Variants in MYO16 observed in about 807,000 individuals in gnomAD.
The protein encoded by MYO16 is unconventional myosin-XVI.
Under a neutral mutation model 205.3 loss-of-function variants are expected in MYO16, and 94 were observed. The observed-to-expected ratio is 0.46, with a 90% CI of 0.39 to 0.54. MYO16 has a LOEUF of 0.54. MYO16 is among the 20% of genes least tolerant of loss of function. The pLI, the probability that MYO16 is intolerant of heterozygous loss-of-function variation, is 0.00. For synonymous variants in MYO16, 988 were observed against 954.0 expected, an observed-to-expected ratio of 1.04 and a Z score of -0.66; for missense variants, 2,315 against 2,387.5, an observed-to-expected ratio of 0.97 and a Z score of 0.63.
At position 108,882,983 on chromosome 13, in the gene MYO16, T is replaced by C. The variant is rs1879691451; in HGVS notation, c.1426-76T>C. 2.3e-5 allele frequency: 36 copies of C among 1,556,490 alleles called. 1 individual carries two copies. In the South Asian group the frequency reaches 4.2e-4, roughly 18 times the overall value. On this transcript the variant is annotated intron_variant, in intron 12 of 34. Transcript: ENST00000457511. Reference sequence around the variant, plus strand: ...TTCACTTCTGTATCTTGGACAGAAGTCACTCTCATTATGGGATGAGGAATA... The same window carrying C: ...TTCACTTCTGTATCTTGGACAGAAGCCACTCTCATTATGGGATGAGGAATA...
At chr13:109,177,765 C>T (rs558134312) in intron 33 of MYO16, among the ~76,000 whole-genome samples, 1 of 152,340 alleles carries the variant, frequency 6.6e-6, no homozygotes, top group South Asian at 2.1e-4. Flanking sequence ...GATCCGCCAC[C>T]TTAGCCTCCC....
At chr13:109,101,773 A>G (rs970039193) in intron 28 of MYO16, 2 of 152,266 alleles carry the variant, frequency 1.3e-5, no homozygotes, top group African/African-American at 2.4e-5. Flanking sequence ...TTTGATAAAA[A>G]TATGACGATT....
chr13:108,519,882 A>G, the MYO16 span, among the ~76,000 whole-genome samples: 1 of 152,194 alleles, frequency 6.6e-6, no homozygotes, highest in African/African-American at 2.4e-5. Context: ...AAGTTTTGAG[A>G]AGATGAGTAC....
At chr13:109,121,353 C>T (rs2139762338) in intron 29 of MYO16, among the ~76,000 whole-genome samples, 1 of 152,272 alleles carries the variant, frequency 6.6e-6, no homozygotes, top group East Asian at 1.9e-4. Flanking sequence ...GATAAAAAGA[C>T]CTGCTTATGG....
At chr13:108,769,770 G>C (rs1885901314) in intron 4 of MYO16, among the ~76,000 whole-genome samples, 1 of 152,166 alleles carries the variant, frequency 6.6e-6, no homozygotes, top group African/African-American at 2.4e-5. Context: ...AGTATGGCAA[G>C]AGAGAGAAAT....
intron 6 of MYO16, 38 bp from the exon 7 acceptor site, chr13:108,806,640 CT>C: frequency 6.3e-7 from 1 of 1,597,026 alleles, no homozygotes; most frequent in Non-Finnish European, 8.6e-7. Context: ...AATATCACTA[CT>C]TTAAAAAAAT....
At chr13:108,541,764 A>G in the MYO16 span, among the ~76,000 whole-genome samples, 31 of 152,254 alleles carry the variant, frequency 2.0e-4, no homozygotes, top group African/African-American at 7.2e-4. Context: ...ACAATAAGAT[A>G]CCATCTCTCA....
intron 32 of MYO16, among the ~76,000 whole-genome samples, chr13:109,149,903 G>A (rs1469152040): frequency 1.3e-5 from 2 of 152,092 alleles, no homozygotes; most frequent in Admixed American, 6.5e-5. Flanking sequence ...TTTTACTTGG[G>A]ACTGAGTTCC....
chr13:108,792,636 C>A (rs1407448631), intron 5 of MYO16, among the ~76,000 whole-genome samples: 4 of 151,694 alleles, frequency 2.6e-5, no homozygotes, highest in South Asian at 4.2e-4. Context: ...CTCAGCCTCT[C>A]GAGTAGCTGG....
At chr13:108,677,078 A>G (rs1001068270) in intron 2 of MYO16, among the ~76,000 whole-genome samples, 8 of 152,152 alleles carry the variant, frequency 5.3e-5, no homozygotes, top group Admixed American at 1.3e-4. Context: ...TCATTCATGT[A>G]GCAAATGTTT....
intron 9 of MYO16, among the ~76,000 whole-genome samples, chr13:108,828,566 C>A (rs1876413280): frequency 6.6e-6 from 1 of 152,134 alleles, no homozygotes; most frequent in Non-Finnish European, 1.5e-5. Flanking sequence ...CTTTGTTACT[C>A]ATGAGCCCTT....
intron 14 of MYO16, among the ~76,000 whole-genome samples, chr13:108,891,582 A>G (rs1170336551): frequency 1.3e-5 from 2 of 152,226 alleles, no homozygotes; most frequent in Non-Finnish European, 2.9e-5. Flanking sequence ...ATCATAGGCC[A>G]TGTTACAATA....
At chr13:109,145,107 A>G (rs1305006491) in intron 32 of MYO16, among the ~76,000 whole-genome samples, 1 of 152,228 alleles carries the variant, frequency 6.6e-6, no homozygotes, top group Admixed American at 6.5e-5. Flanking sequence ...CTGAGAAGAA[A>G]TATTTGCAGC....
chr13:108,669,911 T>G (rs7336780), intron 2 of MYO16, among the ~76,000 whole-genome samples: 1 of 151,704 alleles, frequency 6.6e-6, no homozygotes, highest in African/African-American at 2.4e-5. Context: ...CATCACACAC[T>G]GGGGCCTGTC....
intron 32 of MYO16, among the ~76,000 whole-genome samples, chr13:109,161,284 C>G (rs1878369057): frequency 6.6e-6 from 1 of 152,224 alleles, no homozygotes; most frequent in African/African-American, 2.4e-5. Context: ...CTCCCATATC[C>G]TATCCTTTAC....
At chr13:108,576,429 T>C in the MYO16 span, among the ~76,000 whole-genome samples, 1 of 152,164 alleles carries the variant, frequency 6.6e-6, no homozygotes, top group African/African-American at 2.4e-5. Flanking sequence ...CTGGTAATAT[T>C]GTCTTCTGCT....
At chr13:108,802,265 TG>T (rs529416939) in intron 6 of MYO16, among the ~76,000 whole-genome samples, 102 of 152,322 alleles carry the variant, frequency 6.7e-4, no homozygotes, top group Middle Eastern at 3.4e-3. Flanking sequence ...CCCGAGTCCC[TG>T]GCAACCATCA....
intron 23 of MYO16, among the ~76,000 whole-genome samples, chr13:109,034,206 T>G (rs1594488920): frequency 1.3e-5 from 2 of 152,218 alleles, no homozygotes; most frequent in Admixed American, 1.3e-4. Flanking sequence ...TTAGAGATAA[T>G]TTTTAATTTT....
chr13:108,907,226 A>T (rs934541905), intron 15 of MYO16, among the ~76,000 whole-genome samples: 1 of 152,166 alleles, frequency 6.6e-6, no homozygotes, highest in Non-Finnish European at 1.5e-5. Flanking sequence ...CAAAAGCTGT[A>T]TAGCCCTATG....
Sources: gnomAD v4.1 joint callset for allele counts (sites outside exome capture counted in the v4.1 genomes callset) on GRCh38, gnomAD v4.1.1 for gene constraint, MANE v1.5 for transcripts, NCBI Gene and HGNC (gene_info 2026-07-23, HGNC 2026-07-21) for gene names.